TRIM36: variants seen among roughly 807,000 people sequenced by gnomAD.
TRIM36 encodes E3 ubiquitin-protein ligase TRIM36.
Under a neutral mutation model 72.4 loss-of-function variants are expected in TRIM36, and 42 were observed. The observed-to-expected ratio is 0.58, with a 90% CI of 0.45 to 0.75. The LOEUF is 0.75. Ranked by LOEUF, TRIM36 falls within the 30% of genes least tolerant of loss-of-function variation. The probability of loss-of-function intolerance (pLI) is 0.00; values close to 1 mark genes in which losing one functional copy is unlikely to be tolerated. For missense variants in TRIM36, 913 were observed against 857.1 expected (o/e 1.07, Z -0.81); for synonymous variants, 315 against 282.8 (o/e 1.11, Z -1.14).
At chr5:115,179,611 A>G (rs996490113) in intron 1 of TRIM36, among the ~76,000 whole-genome samples, 4 of 152,136 alleles carry the variant, frequency 2.6e-5, no homozygotes, top group African/African-American at 7.2e-5. Context: ...ACTCGAAGTC[A>G]CCACGTTTGA....
intron 5 of TRIM36, among the ~76,000 whole-genome samples, chr5:115,139,724 A>C (rs1753172243): frequency 6.6e-6 from 1 of 152,218 alleles, no homozygotes; most frequent in African/African-American, 2.4e-5. Flanking sequence ...GAATGGAGGC[A>C]AGTTATCTAG....
chr5:115,145,601 A>G (rs975844087), intron 3 of TRIM36, among the ~76,000 whole-genome samples: 1 of 152,126 alleles, frequency 6.6e-6, no homozygotes, highest in Non-Finnish European at 1.5e-5. Context: ...ATCTTGGCTC[A>G]CTGCAACCTC....
At chr5:115,173,066 A>C (rs545582342), upstream of TRIM36, among the ~76,000 whole-genome samples, 1 of 152,340 alleles carries the variant, frequency 6.6e-6, no homozygotes, top group Admixed American at 6.5e-5. Flanking sequence ...CTGCTTTCCC[A>C]GTTCCCTGAT....
At chr5:115,163,470 TA>T (rs1754593413) in intron 2 of TRIM36, 47 bp downstream of exon 2, 1 of 1,505,226 alleles carries the variant, frequency 6.6e-7, no homozygotes, top group South Asian at 1.1e-5. Flanking sequence ...AATATATATC[TA>T]TAAGCTTACC....
At chr5:115,129,560 A>G (rs894061662) in intron 9 of TRIM36, among the ~76,000 whole-genome samples, 2 of 152,200 alleles carry the variant, frequency 1.3e-5, no homozygotes, top group South Asian at 2.1e-4. Flanking sequence ...CTCCGTCTCA[A>G]AAAAGAAAAG....
chr5:115,157,506 G>C (rs1241429522), intron 2 of TRIM36, among the ~76,000 whole-genome samples: 9 of 152,196 alleles, frequency 5.9e-5, no homozygotes, highest in African/African-American at 2.2e-4. Context: ...GGAGGTTCCA[G>C]TGAGCCAAGA....
Position 115,147,293 on chromosome 5 carries a change from GA to G in TRIM36, c.363del (p.Arg122GlufsTer59). On this transcript the variant is annotated frameshift_variant, in exon 3 of 10. Coordinates refer to ENST00000513154, the MANE Select transcript of TRIM36 (RefSeq NM_001300759.2). LOFTEE classifies it high-confidence loss of function. ...ACAATAGTTTCCAAAGTGAAGTTTC[GA>G]AACAGACCATTGATTCCTCGTTCTC... ...DLGERGINGL[F>X]RNFTLETIVE... The G allele has an allele frequency of 1.2e-6, 2 of 1,614,100 alleles. No individual in the cohort carries two copies. The highest frequency in any genetic ancestry group is 1.7e-6 in the Non-Finnish European group (2 of 1,180,036).
At chr5:115,155,143 C>T (rs1339820760) in intron 2 of TRIM36, among the ~76,000 whole-genome samples, 1 of 152,090 alleles carries the variant, frequency 6.6e-6, no homozygotes, top group African/African-American at 2.4e-5. Flanking sequence ...GAGCCAAGAT[C>T]GTGCTGTTGC....
chr5:115,151,186 T>C lies in TRIM36; in HGVS notation c.263-3792A>G, dbSNP rs114485929. Among the ~76,000 whole-genome samples the C allele has an allele frequency of 6.7e-3, 1,027 of 152,230 alleles. 10 individuals are homozygous for C. Among genetic ancestry groups the C allele is most frequent in the African/African-American group, 0.023 (949 of 41,550 alleles). ...CTGGAAACAAACTTGGTACTGTTGT[T>C]GGGGGTACAGTGGAAGTGGGACTGG... is the stretch of plus-strand genomic sequence containing the variant. On this transcript the variant is annotated intron_variant, in intron 2 of 9. Transcript: ENST00000513154.
At chr5:115,160,777 T>C (rs1429751305) in intron 2 of TRIM36, among the ~76,000 whole-genome samples, 3 of 152,100 alleles carry the variant, frequency 2.0e-5, no homozygotes, top group Non-Finnish European at 4.4e-5. Flanking sequence ...GCCTCAGAGT[T>C]AGAGGTTACA....
chr5:115,130,982 G>C lies in TRIM36; in HGVS notation c.1499-93C>G, dbSNP rs1169680914. On this transcript the variant is annotated intron_variant, in intron 8 of 9. Coordinates refer to ENST00000513154, the MANE Select transcript of TRIM36 (RefSeq NM_001300759.2). The stretch of plus-strand genomic sequence containing the variant: ...GTTTTCTTACAGAAATTACTGAAGA[G>C]AGACAGGAAGCGGGAAGGAGGTGTC... 2.1e-6 allele frequency: 3 copies of C among 1,402,386 alleles called. No homozygotes were observed. In the Admixed American group the frequency reaches 7.3e-5, roughly 34 times the overall value. 86.9% of individuals were successfully genotyped at this position (1,402,386 alleles called of 1,614,324 possible).
chr5:115,177,900 A>G, intron 1 of TRIM36: 1 of 1,610,760 alleles, frequency 6.2e-7, no homozygotes. Flanking sequence ...AGAGAGAGAG[A>G]GAGCAGAGAA....
intron 1 of TRIM36, among the ~76,000 whole-genome samples, chr5:115,168,606 G>C (rs1295207959): frequency 6.6e-6 from 1 of 152,180 alleles, no homozygotes; most frequent in Non-Finnish European, 1.5e-5. Flanking sequence ...TTTTATCATT[G>C]TCAGTGGGTG....
At chr5:115,151,569 C>G (rs1753898205) in intron 2 of TRIM36, among the ~76,000 whole-genome samples, 2 of 152,220 alleles carry the variant, frequency 1.3e-5, no homozygotes, top group African/African-American at 4.8e-5. Flanking sequence ...GGCAGGAAGC[C>G]AACCAGCACA....
intron 1 of TRIM36, among the ~76,000 whole-genome samples, chr5:115,165,286 C>T (rs754137676): frequency 1.3e-5 from 2 of 152,210 alleles, no homozygotes; most frequent in South Asian, 2.1e-4. Flanking sequence ...CTCTGTGTGG[C>T]GGCTTATATC....
chr5:115,152,341 T>C (rs1334958268), intron 2 of TRIM36, among the ~76,000 whole-genome samples: 1 of 151,722 alleles, frequency 6.6e-6, no homozygotes. Context: ...AATAAGAAAA[T>C]ATGAACAAAG....
intron 1 of TRIM36, among the ~76,000 whole-genome samples, chr5:115,165,182 G>T (rs931357964): frequency 3.3e-5 from 5 of 152,170 alleles, no homozygotes; most frequent in Non-Finnish European, 1.5e-5. Flanking sequence ...TTTCCCAGGC[G>T]CATGATGAAA....
At chr5:115,177,485 C>G (rs1267577612) in intron 1 of TRIM36, 1 of 1,231,782 alleles carries the variant, frequency 8.1e-7, no homozygotes, top group Admixed American at 3.4e-5. Flanking sequence ...ACCCGAACTA[C>G]AAAGTGGAAC....
intron 2 of TRIM36, chr5:115,159,780 A>AT: frequency 2.5e-6 from 1 of 405,600 alleles, no homozygotes; most frequent in South Asian, 1.8e-5. Context: ...TAATACAATT[A>AT]TTGAATTAAC....
Sources: gnomAD v4.1 joint callset for allele counts (sites outside exome capture counted in the v4.1 genomes callset) on GRCh38, gnomAD v4.1.1 for gene constraint, MANE v1.5 for transcripts, NCBI Gene and HGNC (gene_info 2026-07-23, HGNC 2026-07-21) for gene names.